Variants in NLGN1 observed in about 807,000 individuals in gnomAD.
NLGN1 encodes neuroligin 1.
In NLGN1, 12 loss-of-function variants were observed where a neutral mutation model predicts 65.5. The ratio of observed to expected loss-of-function variants is 0.18; its 90% confidence interval spans 0.12 to 0.30. The LOEUF (loss-of-function observed/expected upper bound fraction) is 0.30, where lower values mean the gene tolerates loss of function less well. Ranked by LOEUF, NLGN1 falls within the 10% of genes least tolerant of loss-of-function variation. The probability of loss-of-function intolerance (pLI) is 1.00; values close to 1 mark genes in which losing one functional copy is unlikely to be tolerated. For synonymous variants in NLGN1, 350 were observed against 359.5 expected (o/e 0.97, Z 0.30); for missense variants, 750 against 1,007.1 (o/e 0.74, Z 3.46).
rs555538419 is a variant in NLGN1, at chr3:174,223,067, C to T, written c.647-52248C>T. 3.1e-4 allele frequency among the ~76,000 whole-genome samples: 47 copies of T among 152,230 alleles called. 1 individual carries two copies. Among genetic ancestry groups the T allele is most frequent in the Middle Eastern group, 3.4e-3 (1 of 294 alleles). ...AGAGGAGGTCAGACAATCTCAACTCCGTCAGGGATTTTATATATCTCTTCT... is the reference window on the plus strand; with the variant it reads ...AGAGGAGGTCAGACAATCTCAACTCTGTCAGGGATTTTATATATCTCTTCT... On this transcript the variant is annotated intron_variant, in intron 4 of 6. Coordinates refer to ENST00000457714, the Ensembl canonical transcript of NLGN1.
intron 1 of NLGN1, among the ~76,000 whole-genome samples, chr3:173,401,177 TGTGTA>T (rs1717617563): frequency 6.6e-6 from 1 of 152,062 alleles, no homozygotes; most frequent in Non-Finnish European, 1.5e-5. Context: ...ATTATAGGGA[TGTGTA>T]GCATCATCCT....
At chr3:173,942,109 G>GTGTGTGT (rs1553896554) in intron 4 of NLGN1, among the ~76,000 whole-genome samples, 25 of 144,142 alleles carry the variant, frequency 1.7e-4, no homozygotes, top group African/African-American at 5.7e-4. Flanking sequence ...GGTGGTTGGG[G>GTGTGTGT]GTGTGTGTGT....
chr3:173,444,998 G>A (rs1015797276), intron 2 of NLGN1, among the ~76,000 whole-genome samples: 9 of 151,400 alleles, frequency 5.9e-5, no homozygotes, highest in African/African-American at 1.9e-4. Flanking sequence ...GGGCGCGGTC[G>A]CGGCTCACGC....
chr3:173,700,333 A>G (rs111631496), intron 3 of NLGN1, among the ~76,000 whole-genome samples: 107 of 152,354 alleles, frequency 7.0e-4, no homozygotes, highest in African/African-American at 2.4e-3. Context: ...TTTTAATTAA[A>G]TCTTACAGAA....
At chr3:173,956,729 T>G (rs1712159322) in intron 4 of NLGN1, among the ~76,000 whole-genome samples, 1 of 152,142 alleles carries the variant, frequency 6.6e-6, no homozygotes, top group Non-Finnish European at 1.5e-5. Context: ...GTGTAAACGT[T>G]CTAAATAGAA....
At chr3:173,838,954 G>T (rs1724211446) in intron 4 of NLGN1, among the ~76,000 whole-genome samples, 1 of 152,134 alleles carries the variant, frequency 6.6e-6, no homozygotes. Context: ...TCCAGTTCAA[G>T]ATGCTGGAAT....
At chr3:173,423,016 G>A (rs1279478922) in intron 1 of NLGN1, among the ~76,000 whole-genome samples, 2 of 152,062 alleles carry the variant, frequency 1.3e-5, no homozygotes, top group Admixed American at 1.3e-4. Context: ...TGCATGGCTG[G>A]GGAGGCCTCA....
the NLGN1 span, among the ~76,000 whole-genome samples, chr3:174,293,907 A>G: frequency 6.6e-6 from 1 of 151,770 alleles, no homozygotes; most frequent in Non-Finnish European, 1.5e-5. Flanking sequence ...CAAAACTATT[A>G]ATGCAGAGAA....
intron 4 of NLGN1, among the ~76,000 whole-genome samples, chr3:173,839,109 T>TC (rs11388202): frequency 6.6e-6 from 1 of 150,846 alleles, no homozygotes; most frequent in African/African-American, 2.4e-5. Flanking sequence ...TTTTTTTTTT[T>TC]ACAGATTAGG....
chr3:173,616,994 C>T (rs1031819428), intron 3 of NLGN1, among the ~76,000 whole-genome samples: 2 of 151,998 alleles, frequency 1.3e-5, no homozygotes, highest in Non-Finnish European at 1.5e-5. Flanking sequence ...ATATTTCTCC[C>T]TTCTCTCTAC....
At chr3:174,290,280 G>T (rs577685470), downstream of NLGN1, among the ~76,000 whole-genome samples, 1 of 150,734 alleles carries the variant, frequency 6.6e-6, no homozygotes, top group Admixed American at 6.7e-5. Flanking sequence ...TCAATTCAGA[G>T]ACAGACCAGT....
intron 1 of NLGN1, among the ~76,000 whole-genome samples, chr3:173,428,560 C>A (rs1374597598): frequency 3.3e-5 from 5 of 151,822 alleles, no homozygotes; most frequent in Non-Finnish European, 1.5e-5. Flanking sequence ...TTCAATTTCC[C>A]CACATTTTGA....
intron 4 of NLGN1, among the ~76,000 whole-genome samples, chr3:174,187,397 G>A (rs1731608596): frequency 6.6e-6 from 1 of 152,010 alleles, no homozygotes; most frequent in African/African-American, 2.4e-5. Flanking sequence ...AAAACCCCTG[G>A]TGGAGGATGA....
chr3:173,678,618 T>C (rs537668912), intron 3 of NLGN1, among the ~76,000 whole-genome samples: 1 of 152,098 alleles, frequency 6.6e-6, no homozygotes, highest in East Asian at 1.9e-4. Flanking sequence ...AGTAAAGAAG[T>C]TGAAGAAGCA....
intron 4 of NLGN1, among the ~76,000 whole-genome samples, chr3:173,932,118 T>G (rs1442002253): frequency 6.6e-6 from 1 of 152,154 alleles, no homozygotes; most frequent in Non-Finnish European, 1.5e-5. Context: ...TCTGTTTTCT[T>G]CTTTCAATGC....
At chr3:173,613,072 G>A (rs1043973314) in intron 3 of NLGN1, among the ~76,000 whole-genome samples, 1 of 152,076 alleles carries the variant, frequency 6.6e-6, no homozygotes. Flanking sequence ...AGGTACTCAG[G>A]TTAGGACTTT....
At chr3:174,003,772 CT>C (rs1723797436) in intron 4 of NLGN1, among the ~76,000 whole-genome samples, 1 of 151,998 alleles carries the variant, frequency 6.6e-6, no homozygotes, top group African/African-American at 2.4e-5. Context: ...ATGCCTTCCC[CT>C]GGGTTAATAT....
intron 3 of NLGN1, among the ~76,000 whole-genome samples, chr3:173,639,653 C>G (rs185273722): frequency 1.3e-5 from 2 of 152,284 alleles, no homozygotes; most frequent in African/African-American, 2.4e-5. Context: ...CAATGATTCT[C>G]CTGAACTACT....
intron 4 of NLGN1, among the ~76,000 whole-genome samples, chr3:174,120,059 A>T (rs1450626628): frequency 1.3e-5 from 2 of 152,230 alleles, no homozygotes; most frequent in Admixed American, 1.3e-4. Context: ...AATAGCAAAC[A>T]TTGACAAACA....
Sources: gnomAD v4.1 joint callset for allele counts (sites outside exome capture counted in the v4.1 genomes callset) on GRCh38, gnomAD v4.1.1 for gene constraint, MANE v1.5 for transcripts, NCBI Gene and HGNC (gene_info 2026-07-23, HGNC 2026-07-21) for gene names.